The following HDAC4 variants were observed in gnomAD, a reference collection of about 807,000 sequenced individuals.
HDAC4 encodes histone deacetylase 4.
HDAC4 carries 16 observed loss-of-function variants against 135.1 expected under a neutral mutation model. The ratio of observed to expected loss-of-function variants is 0.12; its 90% confidence interval spans 0.08 to 0.18. The LOEUF (loss-of-function observed/expected upper bound fraction) is 0.18. Ranked by LOEUF, HDAC4 falls within the 10% of genes least tolerant of loss-of-function variation. The pLI, the probability that HDAC4 is intolerant of heterozygous loss-of-function variation, is 1.00. For missense variants in HDAC4, 1,143 were observed against 1,511.8 expected (o/e 0.76, Z 4.05); for synonymous variants, 685 against 653.4 (o/e 1.05, Z -0.74).
At position 239,139,171 on chromosome 2, in the gene HDAC4, C is replaced by CG. The variant is rs2041177052; in HGVS notation, c.978+512dup. 6.6e-6 allele frequency among the ~76,000 whole-genome samples: 1 copy of CG among 152,218 alleles called. No homozygotes were observed. Among genetic ancestry groups the CG allele is most frequent in the Non-Finnish European group, 1.5e-5 (1 of 68,030 alleles). ...TTGGCCGGCCCTGCCATGCTGACCA[C>CG]GGGTGACGCTCCAGTCGGCCCTGAC... On this transcript the variant is annotated intron_variant, in intron 9 of 26. Coordinates refer to ENST00000543185, the MANE Select transcript of HDAC4 (RefSeq NM_001378414.1). This position sits in a 1 kb window ranked among gnomAD's most constrained non-coding sequence, Gnocchi z 5.3.
chr2:239,098,251 A>G lies in HDAC4; in HGVS notation c.2234-3195T>C, dbSNP rs369134060. 6.0e-3 allele frequency among the ~76,000 whole-genome samples: 911 copies of G among 152,350 alleles called. 11 individuals are homozygous for G. The highest frequency in any genetic ancestry group is 0.021 in the African/African-American group (857 of 41,576). On this transcript the variant is annotated intron_variant, in intron 16 of 26. Transcript: ENST00000543185. ...CTGTGGTTTGGAGCCACAATCACCA[A>G]GCCCAGGCCACGAAACGTTCCAGCC...
intron 2 of HDAC4, among the ~76,000 whole-genome samples, chr2:239,248,203 T>TG (rs1394786735): frequency 1.3e-5 from 2 of 151,644 alleles, no homozygotes; most frequent in East Asian, 3.9e-4. Flanking sequence ...TTTTTTGAGA[T>TG]GGAGTCTCGC....
chr2:239,157,531 C>T lies in HDAC4; in HGVS notation c.612-758G>A, dbSNP rs145016107. Among the ~76,000 whole-genome samples the T allele has an allele frequency of 1.3e-3, 197 of 152,234 alleles. 1 individual carries two copies. Among genetic ancestry groups the T allele is most frequent in the African/African-American group, 4.5e-3 (185 of 41,538 alleles). On this transcript the variant is annotated intron_variant, in intron 6 of 26. Coordinates refer to ENST00000543185, the MANE Select transcript of HDAC4 (RefSeq NM_001378414.1). ...CATGGGGAGGAGGCGGGCCCTGGGCCGGGACGGGGATGTGGGCTGCCACCC... is the reference window on the plus strand; with the variant it reads ...CATGGGGAGGAGGCGGGCCCTGGGCTGGGACGGGGATGTGGGCTGCCACCC...
chr2:239,396,433 AATT>A (rs989430002), intron 1 of HDAC4, among the ~76,000 whole-genome samples: 7 of 152,152 alleles, frequency 4.6e-5, no homozygotes, highest in African/African-American at 1.2e-4. Flanking sequence ...ACAAAATAGA[AATT>A]ATTATTATGA....
rs1398227277 is a variant in HDAC4 at position 239,066,756 on chromosome 2, G to C, written c.2969C>G (p.Ser990Trp). The change falls in exon 24 of 27, where the codon TCG becomes TGG. Residue 990 changes from serine to tryptophan, a missense_variant. By Grantham distance (177) the Ser-to-Trp change is radical. Transcript: ENST00000543185. ...CAGCAAGGCAGAAACACATGCTTCC[G>C]AGGCGTCGCAAATGGCGGTCAGGTC... is the stretch of plus-strand genomic sequence containing the variant. ...GHDLTAICDA[S>W]EACVSALLGN... 6.2e-7 allele frequency: 1 copy of C among 1,613,876 alleles called. No homozygotes were observed.
chr2:239,284,721 G>A (rs1421038294), intron 2 of HDAC4, among the ~76,000 whole-genome samples: 2 of 152,158 alleles, frequency 1.3e-5, no homozygotes, highest in East Asian at 1.9e-4. Flanking sequence ...GACGGTGAGC[G>A]CCCACGCCCC....
chr2:239,140,330 A>T (rs1490274434), intron 8 of HDAC4, among the ~76,000 whole-genome samples: 1 of 152,140 alleles, frequency 6.6e-6, no homozygotes, highest in Non-Finnish European at 1.5e-5. Context: ...ACACGCTCGG[A>T]CAGTCTTAGA....
chr2:239,132,004 C>T (rs1575138438), intron 11 of HDAC4, among the ~76,000 whole-genome samples: 1 of 152,086 alleles, frequency 6.6e-6, no homozygotes, highest in African/African-American at 2.4e-5. Flanking sequence ...ATGGGGCAAT[C>T]CCAGCGGGTT....
rs536146620 is a variant in HDAC4, at chr2:239,128,183, G to A, written c.1295-1489C>T. Among the ~76,000 whole-genome samples the A allele has an allele frequency of 1.2e-4, 19 of 152,194 alleles. No homozygotes were observed. The South Asian group carries it at 3.1e-3, about 25-fold the overall frequency. ...CAATGCTTGGCTATTAAATTACAGT[G>A]AATAACTAAAAATCCATTCAGAATC... On this transcript the variant is annotated intron_variant, in intron 11 of 26. Coordinates refer to ENST00000543185, the MANE Select transcript of HDAC4 (RefSeq NM_001378414.1).
At chr2:239,229,628 A>T (rs918319545) in intron 3 of HDAC4, among the ~76,000 whole-genome samples, 1 of 152,208 alleles carries the variant, frequency 6.6e-6, no homozygotes, top group Non-Finnish European at 1.5e-5. Flanking sequence ...TACAGGCAAC[A>T]CATGTAAGGT....
At chr2:239,270,766 C>CA (rs924642284) in intron 2 of HDAC4, among the ~76,000 whole-genome samples, 1 of 152,154 alleles carries the variant, frequency 6.6e-6, no homozygotes, top group African/African-American at 2.4e-5. Flanking sequence ...ACGGATACGA[C>CA]AGATGTGAGC....
chr2:239,266,417 C>G (rs2049732225), intron 2 of HDAC4, among the ~76,000 whole-genome samples: 1 of 152,222 alleles, frequency 6.6e-6, no homozygotes, highest in South Asian at 2.1e-4. Context: ...AGCACAGATT[C>G]ACAGCCCACC....
At chr2:239,169,011 C>G (rs2152985173) in intron 5 of HDAC4, among the ~76,000 whole-genome samples, 1 of 152,236 alleles carries the variant, frequency 6.6e-6, no homozygotes, top group African/African-American at 2.4e-5. Context: ...GTAAACGGAT[C>G]CAAAATGTTT....
intron 3 of HDAC4, among the ~76,000 whole-genome samples, chr2:239,205,418 G>A (rs1402409570): frequency 6.6e-6 from 1 of 152,178 alleles, no homozygotes; most frequent in Non-Finnish European, 1.5e-5. Flanking sequence ...GTGAGCCTCT[G>A]AGAACTAAGA....
intron 2 of HDAC4, among the ~76,000 whole-genome samples, chr2:239,345,829 ACCC>A (rs58312576): frequency 7.6e-5 from 10 of 131,834 alleles, no homozygotes; most frequent in East Asian, 4.5e-4. Context: ...TAAAATACAC[ACCC>A]CCGTCTCACA....
chr2:239,190,169 C>T lies in HDAC4; in HGVS notation c.95-92G>A, dbSNP rs1016831142. ...CCACCCAACACACTGGCCACCTTCACGGGGCGGGGGGGGGGTTGTGACCAT... is the reference window on the plus strand; with the variant it reads ...CCACCCAACACACTGGCCACCTTCATGGGGCGGGGGGGGGGTTGTGACCAT... On this transcript the variant is annotated intron_variant, in intron 3 of 26. Coordinates refer to ENST00000543185, the MANE Select transcript of HDAC4 (RefSeq NM_001378414.1). 329 of 1,291,486 alleles carry T rather than the reference C, an allele frequency of 2.5e-4. 1 individual carries two copies. The East Asian group carries it at 6.0e-3, about 24-fold the overall frequency. The allele number at this position is 1,291,486 out of a possible 1,614,324, so 80.0% of individuals were successfully genotyped here. A position where few individuals can be genotyped will look rare whatever the true frequency, so the allele number is the denominator to read the frequency against.
intron 7 of HDAC4, among the ~76,000 whole-genome samples, chr2:239,151,950 G>A (rs189189833): frequency 6.6e-6 from 1 of 152,284 alleles, no homozygotes; most frequent in African/African-American, 2.4e-5. Context: ...CCAAGAAGCT[G>A]CTGACAAATG....
rs1575519188 is a variant in HDAC4, at chr2:239,248,267, G to A, written c.23-11603C>T. On this transcript the variant is annotated intron_variant, in intron 2 of 26. Transcript: ENST00000543185. The stretch of plus-strand genomic sequence containing the variant: ...GTGATCTCGGCTCACTGCAACCTCC[G>A]CCTCCCGGGTTCAAGCAATTCTCCT... Among the ~76,000 whole-genome samples the A allele has an allele frequency of 2.0e-5, 3 of 151,250 alleles. No individual in the cohort carries two copies. The South Asian group carries it at 6.3e-4, about 32-fold the overall frequency.
chr2:239,331,412 T>G lies in HDAC4; in HGVS notation c.22+21266A>C, dbSNP rs1181891108. ...GACATAAATCACCTCATAAAATATC[T>G]GAATAAAAGTGCTATAAGAGCTGCT... is the stretch of plus-strand genomic sequence containing the variant. On this transcript the variant is annotated intron_variant, in intron 2 of 26. Coordinates refer to ENST00000543185, the MANE Select transcript of HDAC4 (RefSeq NM_001378414.1). The surrounding 1 kb of genome is among the most constrained non-coding windows in gnomAD (Gnocchi z 4.5). Among the ~76,000 whole-genome samples, 1 of 152,120 alleles carries G rather than the reference T, an allele frequency of 6.6e-6. No individual in the cohort carries two copies. The highest frequency in any genetic ancestry group is 1.5e-5 in the Non-Finnish European group (1 of 68,022).
Sources: gnomAD v4.1 joint callset for allele counts (sites outside exome capture counted in the v4.1 genomes callset) on GRCh38, gnomAD v4.1.1 for gene constraint, Gnocchi (gnomAD v3.1) non-coding constraint, MANE v1.5 for transcripts, NCBI Gene and HGNC (gene_info 2026-07-23, HGNC 2026-07-21) for gene names.